The following DSCAM variants were observed in gnomAD, a reference collection of about 807,000 sequenced individuals.
The protein encoded by DSCAM is DS cell adhesion molecule.
DSCAM carries 47 observed loss-of-function variants against 217.7 expected under a neutral mutation model. The ratio of observed to expected loss-of-function variants is 0.22; its 90% CI spans 0.17 to 0.28. The LOEUF is 0.28. Among genes scored for constraint, DSCAM ranks in the 10% least tolerant of loss-of-function variants. The probability of loss-of-function intolerance (pLI) is 1.00; values close to 1 mark genes in which losing one functional copy is unlikely to be tolerated. For synonymous variants in DSCAM, 1,056 were observed against 1,015.3 expected (o/e 1.04, Z -0.76); for missense variants, 2,080 against 2,618.3 (o/e 0.79, Z 4.49).
At chr21:40,591,095 G>C (rs972336728) in intron 3 of DSCAM, among the ~76,000 whole-genome samples, 1 of 134,966 alleles carries the variant, frequency 7.4e-6, no homozygotes, top group African/African-American at 2.6e-5. Context: ...GAGTTCTCAC[G>C]AGATCACATT....
At chr21:40,698,206 A>G (rs2090615825) in intron 2 of DSCAM, among the ~76,000 whole-genome samples, 1 of 152,232 alleles carries the variant, frequency 6.6e-6, no homozygotes, top group Non-Finnish European at 1.5e-5. Flanking sequence ...CGAATGTGAG[A>G]AAACATTTTA....
At chr21:40,594,980 G>A (rs976812756) in intron 3 of DSCAM, among the ~76,000 whole-genome samples, 6 of 152,152 alleles carry the variant, frequency 3.9e-5, no homozygotes, top group African/African-American at 1.2e-4. Flanking sequence ...CACTTACTGG[G>A]TGCACCTTCA....
At chr21:40,280,295 C>G (rs765836614) in intron 10 of DSCAM, among the ~76,000 whole-genome samples, 13 of 151,730 alleles carry the variant, frequency 8.6e-5, no homozygotes, top group Middle Eastern at 3.4e-3. Context: ...AATCCTCCCC[C>G]CTCAGCCTCC....
intron 19 of DSCAM, among the ~76,000 whole-genome samples, chr21:40,130,704 T>C (rs914880846): frequency 1.3e-5 from 2 of 152,200 alleles, no homozygotes; most frequent in African/African-American, 4.8e-5. Context: ...GAACTGTGAA[T>C]ATGACTATGA....
intron 30 of DSCAM, among the ~76,000 whole-genome samples, chr21:40,046,674 A>G (rs2146486535): frequency 6.6e-6 from 1 of 152,212 alleles, no homozygotes; most frequent in East Asian, 1.9e-4. Flanking sequence ...TCCCTTACAT[A>G]AGTTTTGAAA....
intron 11 of DSCAM, among the ~76,000 whole-genome samples, chr21:40,252,057 A>G (rs541102165): frequency 6.6e-6 from 1 of 152,176 alleles, no homozygotes; most frequent in Non-Finnish European, 1.5e-5. Context: ...GACCTAAGCC[A>G]TGGCTACTAC....
chr21:40,799,198 G>T (rs2091717311), intron 1 of DSCAM, among the ~76,000 whole-genome samples: 1 of 152,092 alleles, frequency 6.6e-6, no homozygotes, highest in African/African-American at 2.4e-5. Context: ...GTTTTACTCT[G>T]GGAGTGAAAT....
chr21:40,344,177 G>C (rs574428486), intron 6 of DSCAM, among the ~76,000 whole-genome samples: 2 of 152,174 alleles, frequency 1.3e-5, no homozygotes, highest in Non-Finnish European at 2.9e-5. Flanking sequence ...GGGATTACAG[G>C]CGTGAGCGAC....
chr21:40,589,404 C>T (rs1359060509), intron 3 of DSCAM, among the ~76,000 whole-genome samples: 3 of 152,188 alleles, frequency 2.0e-5, no homozygotes, highest in East Asian at 1.9e-4. Flanking sequence ...GGTGAAACCC[C>T]GTCCCTACTA....
intron 10 of DSCAM, among the ~76,000 whole-genome samples, chr21:40,285,182 A>G (rs2073809939): frequency 6.6e-6 from 1 of 152,210 alleles, no homozygotes; most frequent in Admixed American, 6.5e-5. Context: ...AGGTGACTCA[A>G]TTATGCAGAT....
At position 40,133,963 on chromosome 21, in the gene DSCAM, C is replaced by T; in HGVS notation, c.3453G>A (p.Glu1151=). ...TGGTGTACTTTTCCAGCCCGTCCAG[C>T]TCCAGTGAAGGCTGTGTGGTGGTGA... ...KNITTTQPSL[E]LDGLEKYTNY... The change falls in exon 19 of 33, where the codon GAG becomes GAA. Residue 1151 remains glutamate (E), a synonymous_variant. Transcript: ENST00000400454. 1 of 1,613,626 alleles carries T rather than the reference C, an allele frequency of 6.2e-7. No homozygotes were observed. The highest frequency in any genetic ancestry group is 8.5e-7 in the Non-Finnish European group (1 of 1,179,776).
intron 4 of DSCAM, 96 bp downstream of exon 4, chr21:40,369,003 T>C (rs1270827601): frequency 2.2e-6 from 3 of 1,364,460 alleles, no homozygotes; most frequent in Non-Finnish European, 2.9e-6. Context: ...GAAGGCTCCA[T>C]TTTAGTGGCA....
intron 4 of DSCAM, among the ~76,000 whole-genome samples, chr21:40,367,400 C>T (rs988903947): frequency 2.0e-5 from 3 of 152,126 alleles, no homozygotes; most frequent in African/African-American, 7.2e-5. Context: ...GTGTTGGTTT[C>T]AGGAGGAGTT....
rs35690892 is a variant in DSCAM, at chr21:40,064,116, G to GTATATA, written c.4889-1223_4889-1218dup. ...CCCTGAATGATTTAACACTTACAAAGTATATATATATATATATGTGCTTAT... is the reference window on the plus strand; with the variant it reads ...CCCTGAATGATTTAACACTTACAAAGTATATATATATATATATATATATGTGCTTAT... On this transcript the variant is annotated intron_variant, in intron 27 of 32. Coordinates refer to ENST00000400454, the MANE Select transcript of DSCAM (RefSeq NM_001389.5). 3.7e-3 allele frequency among the ~76,000 whole-genome samples: 557 copies of GTATATA among 149,118 alleles called. 5 individuals carry two copies. The highest frequency in any genetic ancestry group is 0.012 in the African/African-American group (489 of 40,574).
At chr21:40,195,098 T>C (rs1183751152) in intron 11 of DSCAM, among the ~76,000 whole-genome samples, 1 of 152,116 alleles carries the variant, frequency 6.6e-6, no homozygotes, top group East Asian at 1.9e-4. Flanking sequence ...ATTAAATAAT[T>C]AAAATATGAA....
At chr21:40,797,021 G>A (rs1012701332) in intron 1 of DSCAM, among the ~76,000 whole-genome samples, 2 of 152,198 alleles carry the variant, frequency 1.3e-5, no homozygotes, top group African/African-American at 2.4e-5. Context: ...CCCTTTGATA[G>A]AGCAGCTTAC....
At chr21:40,030,279 G>T (rs1470283609) in intron 32 of DSCAM, among the ~76,000 whole-genome samples, 5 of 152,152 alleles carry the variant, frequency 3.3e-5, no homozygotes, top group African/African-American at 1.2e-4. Flanking sequence ...GGGAACTGAG[G>T]ATGCAGTGAT....
intron 3 of DSCAM, among the ~76,000 whole-genome samples, chr21:40,378,554 A>ATTTTTTTT (rs71186931): frequency 4.0e-5 from 3 of 75,650 alleles, no homozygotes; most frequent in Non-Finnish European, 5.0e-5. Context: ...ATGAAAACTT[A>ATTTTTTTT]TTTTTTTTTT....
intron 19 of DSCAM, among the ~76,000 whole-genome samples, chr21:40,126,655 A>T (rs2090097155): frequency 6.6e-6 from 1 of 152,206 alleles, no homozygotes; most frequent in Admixed American, 6.5e-5. Flanking sequence ...AAAATGCAAC[A>T]TTTCAGGTAC....
Sources: allele counts gnomAD v4.1 joint callset (sites outside exome capture counted in the v4.1 genomes callset), GRCh38; gene constraint gnomAD v4.1.1; transcripts MANE v1.5; gene names NCBI Gene and HGNC (gene_info 2026-07-23, HGNC 2026-07-21).